MRNIP: variants seen among roughly 807,000 people sequenced by gnomAD.
The protein encoded by MRNIP is MRN complex interacting protein.
MRNIP carries 30 observed loss-of-function variants against 29.8 expected under a neutral mutation model. The ratio of observed to expected loss-of-function variants is 1.01; its 90% CI spans 0.75 to 1.36. MRNIP has a LOEUF of 1.36. MRNIP is among the 40% of genes most tolerant of loss of function. The probability of loss-of-function intolerance (pLI) is 0.00; values close to 1 mark genes in which losing one functional copy is unlikely to be tolerated. For synonymous variants in MRNIP, 201 were observed against 164.1 expected (o/e 1.23, Z -1.72); for missense variants, 459 against 423.5 (o/e 1.08, Z -0.74).
intron 3 of MRNIP, among the ~76,000 whole-genome samples, chr5:179,845,450 G>A (rs576075662): frequency 4.7e-4 from 67 of 143,084 alleles, no homozygotes; most frequent in South Asian, 9.0e-4. Context: ...CACCCGGCCT[G>A]AAATGAATTT....
intron 2 of MRNIP, among the ~76,000 whole-genome samples, chr5:179,850,737 T>C (rs1009944562): frequency 6.6e-6 from 1 of 152,214 alleles, no homozygotes; most frequent in South Asian, 2.1e-4. Flanking sequence ...CAGGGACTGC[T>C]GGATGGATAC....
chr5:179,842,915 C>T (rs1758956660), intron 4 of MRNIP, among the ~76,000 whole-genome samples: 1 of 151,746 alleles, frequency 6.6e-6, no homozygotes, highest in African/African-American at 2.4e-5. Context: ...TGCCTGTAAT[C>T]CCAGCTTCTT....
chr5:179,847,673 C>G, intron 3 of MRNIP: 1 of 255,814 alleles, frequency 3.9e-6, no homozygotes, highest in Middle Eastern at 1.3e-3. Flanking sequence ...ACAGCTGTGT[C>G]AAGAGCCTTC....
At position 179,845,188 on chromosome 5, in the gene MRNIP, A is replaced by C. The variant is rs191042296; in HGVS notation, c.216-961T>G. 4.2e-3 allele frequency among the ~76,000 whole-genome samples: 629 copies of C among 149,330 alleles called. 3 individuals are homozygous for C. The highest frequency in any genetic ancestry group is 5.8e-3 in the Non-Finnish European group (390 of 67,688). On this transcript the variant is annotated intron_variant, in intron 3 of 6. Coordinates refer to ENST00000292586, the MANE Select transcript of MRNIP (RefSeq NM_016175.4). ...TGCATTTAATCTGTTTAACGTGTCCACTGAATTTTTAATTTCTTCTTTTTT... is the reference window on the plus strand; with the variant it reads ...TGCATTTAATCTGTTTAACGTGTCCCCTGAATTTTTAATTTCTTCTTTTTT...
At chr5:179,842,985 A>G (rs1437929201) in intron 4 of MRNIP, among the ~76,000 whole-genome samples, 15 of 144,316 alleles carry the variant, frequency 1.0e-4, no homozygotes, top group African/African-American at 2.6e-5. Context: ...GTGAGCTGAG[A>G]TCACGCCACT....
At chr5:179,845,321 G>T (rs914296554) in intron 3 of MRNIP, among the ~76,000 whole-genome samples, 2 of 151,574 alleles carry the variant, frequency 1.3e-5, no homozygotes, top group Admixed American at 6.6e-5. Context: ...GCTAATTTTT[G>T]TATTTTTAGT....
rs566614385 is a variant in MRNIP at position 179,849,598 on chromosome 5, G to A, written c.127-1532C>T. Among the ~76,000 whole-genome samples the A allele has an allele frequency of 9.6e-4, 144 of 150,064 alleles. 1 individual carries two copies. The highest frequency in any genetic ancestry group is 1.9e-3 in the Non-Finnish European group (125 of 67,312). The stretch of plus-strand genomic sequence containing the variant: ...CTGCTATGGCACAGGCAGATGCTAC[G>A]AGACGGAATTTGAGAGCATGGATCC... On this transcript the variant is annotated intron_variant, in intron 2 of 6. Transcript: ENST00000292586.
At chr5:179,858,031 G>C (rs1308700608) in intron 1 of MRNIP, among the ~76,000 whole-genome samples, 1 of 138,652 alleles carries the variant, frequency 7.2e-6, no homozygotes, top group South Asian at 2.2e-4. Context: ...AAAAAAAGAA[G>C]AAGAAGTCTG....
Position 179,838,196 on chromosome 5 carries a change from GCAGAAGGGC to G in MRNIP, c.538-320_538-312del, listed in dbSNP as rs533592510. 372 of 437,482 alleles carry G rather than the reference GCAGAAGGGC, an allele frequency of 8.5e-4. 1 individual carries two copies. Among genetic ancestry groups the G allele is most frequent in the African/African-American group, 6.9e-3 (349 of 50,944 alleles). 27.1% of individuals were successfully genotyped at this position (437,482 alleles called of 1,614,324 possible). On this transcript the variant is annotated intron_variant, in intron 6 of 6. Coordinates refer to ENST00000292586, the MANE Select transcript of MRNIP (RefSeq NM_016175.4). ...ACCGGTGCCTACAAAAGAATTTTGAGCAGAAGGGCCTCGAGACATCGGGAAAGGGGTGCG... is the reference window on the plus strand; with the variant it reads ...ACCGGTGCCTACAAAAGAATTTTGAGCTCGAGACATCGGGAAAGGGGTGCG...
intron 2 of MRNIP, among the ~76,000 whole-genome samples, 188 bp from the exon 3 acceptor site, chr5:179,848,254 G>A (rs187963613): frequency 8.7e-4 from 133 of 152,192 alleles, no homozygotes; most frequent in African/African-American, 3.1e-3. Flanking sequence ...AACAGTCTCC[G>A]GAACTAATAG....
intron 6 of MRNIP, 122 bp downstream of exon 6, chr5:179,840,750 G>T: frequency 2.6e-6 from 2 of 758,300 alleles, no homozygotes; most frequent in Non-Finnish European, 2.3e-6. Flanking sequence ...AAGAAACCCG[G>T]GTGGGAAGAT....
chr5:179,858,674 C>T (rs1759707074), intron 1 of MRNIP, 57 bp downstream of exon 1: 5 of 1,182,624 alleles, frequency 4.2e-6, no homozygotes, highest in Non-Finnish European at 4.7e-6. Context: ...AGCCCCGCCA[C>T]TCCCCGTCCG....
intron 2 of MRNIP, among the ~76,000 whole-genome samples, chr5:179,851,717 G>A (rs1389389984): frequency 4.0e-5 from 6 of 151,854 alleles, no homozygotes; most frequent in African/African-American, 4.8e-5. Flanking sequence ...GGTGGCTCAC[G>A]CCTGTAACCC....
chr5:179,842,041 ACT>A lies in MRNIP; in HGVS notation c.313_314del (p.Arg106LeufsTer42), dbSNP rs756125209. 1 of 1,613,350 alleles carries A rather than the reference ACT, an allele frequency of 6.2e-7. No individual in the cohort carries two copies. Among genetic ancestry groups the A allele is most frequent in the Non-Finnish European group, 8.5e-7 (1 of 1,179,820 alleles). ...KQQEKSQPSE[S>X]RWLKYLEKDS... ...CCTTTTCTAGATACTTCAGCCAGCG[ACT>A]CTCTGAGGGCTGCGATTTTTCCTGC... is the stretch of plus-strand genomic sequence containing the variant. On this transcript the variant is annotated frameshift_variant, in exon 5 of 7. Coordinates refer to ENST00000292586, the MANE Select transcript of MRNIP (RefSeq NM_016175.4). LOFTEE classifies it high-confidence loss of function.
At chr5:179,843,019 G>A (rs561327008) in intron 4 of MRNIP, among the ~76,000 whole-genome samples, 90 of 118,884 alleles carry the variant, frequency 7.6e-4, no homozygotes, top group African/African-American at 3.0e-3. Context: ...GGGACACAGC[G>A]AGACTCTGTC....
At chr5:179,858,144 A>G (rs1451806188) in intron 1 of MRNIP, among the ~76,000 whole-genome samples, 1 of 152,178 alleles carries the variant, frequency 6.6e-6, no homozygotes, top group African/African-American at 2.4e-5. Flanking sequence ...TCAAGCAGGG[A>G]GACAGGTGCG....
intron 6 of MRNIP, chr5:179,838,211 G>A (rs929998891): frequency 5.2e-5 from 20 of 387,708 alleles, no homozygotes; most frequent in Non-Finnish European, 8.1e-5. Flanking sequence ...AGGGCCTCGA[G>A]ACATCGGGAA....
At chr5:179,847,091 T>C (rs1042229287) in intron 3 of MRNIP, 1 of 152,028 alleles carries the variant, frequency 6.6e-6, no homozygotes, top group African/African-American at 2.4e-5. Context: ...GTGACACTAA[T>C]GTTAATCAGT....
chr5:179,856,080 G>A (rs1300747342), intron 1 of MRNIP, among the ~76,000 whole-genome samples: 1 of 151,680 alleles, frequency 6.6e-6, no homozygotes, highest in Non-Finnish European at 1.5e-5. Flanking sequence ...TGTATTTTTT[G>A]TATTTTTAGT....
Sources: allele counts gnomAD v4.1 joint callset (sites outside exome capture counted in the v4.1 genomes callset), GRCh38; gene constraint gnomAD v4.1.1; transcripts MANE v1.5; gene names NCBI Gene and HGNC (gene_info 2026-07-23, HGNC 2026-07-21).